The following PLK4 variants were observed in gnomAD, a reference collection of about 807,000 sequenced individuals.
The protein encoded by PLK4 is polo like kinase 4.
A neutral mutation model predicts 103.0 loss-of-function variants in PLK4; 51 were observed. The observed-to-expected ratio is 0.50, with a 90% CI of 0.40 to 0.63. PLK4 has a LOEUF of 0.63. Among genes scored for constraint, PLK4 ranks in the 20% least tolerant of loss-of-function variants. The pLI, the probability that PLK4 is intolerant of heterozygous loss-of-function variation, is 0.00. For synonymous variants in PLK4, 389 were observed against 376.8 expected, an observed-to-expected ratio of 1.03 and a Z score of -0.38; for missense variants, 1,054 against 1,151.0, an observed-to-expected ratio of 0.92 and a Z score of 1.22.
chr4:127,894,693 C>T (rs560309768), intron 13 of PLK4, among the ~76,000 whole-genome samples: 6 of 152,058 alleles, frequency 3.9e-5, no homozygotes, highest in African/African-American at 1.4e-4. Context: ...TGTGTACTCA[C>T]CCACATACAC....
At chr4:127,881,788 T>C in intron 1 of PLK4, 43 bp from the exon 2 acceptor site, 1 of 1,139,944 alleles carries the variant, frequency 8.8e-7, no homozygotes, top group Non-Finnish European at 1.3e-6. Context: ...TCTTCCTTTC[T>C]ACTGTGAGTC....
intron 6 of PLK4, 106 bp downstream of exon 6, chr4:127,887,602 G>A (rs948903330): frequency 1.4e-6 from 1 of 714,228 alleles, no homozygotes; most frequent in African/African-American, 1.8e-5. Flanking sequence ...TTCTTGCTTG[G>A]TGCAGTAGCT....
At position 127,881,165 on chromosome 4, in the gene PLK4, G is replaced by A. The variant is rs1373970458; in HGVS notation, c.30+1G>A. 6.2e-7 allele frequency: 1 copy of A among 1,614,036 alleles called. No homozygotes were observed. ...GACCTGCATCGGGGAGAAGATCGAG[G>A]TGAAAAGACTCGGCAGTCTGCAGCG... is the stretch of plus-strand genomic sequence containing the variant. On this transcript the variant is annotated splice_donor_variant, in intron 1 of 15. Transcript: ENST00000270861. LOFTEE classifies it high-confidence loss of function.
intron 6 of PLK4, among the ~76,000 whole-genome samples, chr4:127,888,048 C>T (rs1735203979): frequency 6.7e-6 from 1 of 150,104 alleles, no homozygotes; most frequent in African/African-American, 2.4e-5. Flanking sequence ...GGTTTGCTGG[C>T]ACACACCTGT....
At position 127,890,147 on chromosome 4, in the gene PLK4, G is replaced by T. The variant is rs1412691963; in HGVS notation, c.1741G>T (p.Gly581Cys). ...SKTRGMEPPW[G>C]YQNRTLRSIT... ...GACTAGGGGTATGGAGCCACCATGG[G>T]GTTATCAGAATCGTACATTAAGAAG... is the stretch of plus-strand genomic sequence containing the variant. The change falls in exon 7 of 16, where the codon GGT becomes TGT. Residue 581 changes from glycine to cysteine, a missense_variant. Physicochemically the swap from Gly to Cys is radical, Grantham distance 159. Around this residue, in one of 4 missense-constraint regions of PLK4, gnomAD observed 680 missense variants for 660.3 expected, o/e 1.03. Transcript: ENST00000270861. The T allele has an allele frequency of 1.2e-6, 2 of 1,613,810 alleles. No homozygotes were observed. Among genetic ancestry groups the T allele is most frequent in the African/African-American group, 2.7e-5 (2 of 75,014 alleles).
At position 127,894,976 on chromosome 4, in the gene PLK4, T is replaced by C. The variant is rs1735506878; in HGVS notation, c.2586T>C (p.Gly862=). 2 of 1,604,460 alleles carry C rather than the reference T, an allele frequency of 1.2e-6. No individual in the cohort carries two copies. The highest frequency in any genetic ancestry group is 1.7e-6 in the Non-Finnish European group (2 of 1,173,314). Residue 862 remains glycine, a synonymous_variant, in exon 14 of 16, where the codon GGT becomes GGC. Coordinates refer to ENST00000270861, the MANE Select transcript of PLK4 (RefSeq NM_014264.5). ...AGATGGTTACAAATGAAGGACTTGG[T>C]CTTACAACTACAGCTTCTGGAACAG... ...NPSMVTNEGL[G]LTTTASGTDI...
Position 127,892,404 on chromosome 4 carries a change from T to C in PLK4, c.2078T>C (p.Val693Ala). The C allele has an allele frequency of 1.3e-6, 2 of 1,582,096 alleles. No individual in the cohort carries two copies. Among genetic ancestry groups the C allele is most frequent in the Non-Finnish European group, 1.7e-6 (2 of 1,168,490 alleles). Residue 693 changes from valine (V) to alanine (A), a missense_variant, in exon 10 of 16, where the codon GTA becomes GCA. Physicochemically the swap from Val to Ala is moderately conservative, Grantham distance 64 (BLOSUM62 0). This residue lies in a region of PLK4 where 680 missense variants were observed against 660.3 expected (regional missense o/e 1.03). Transcript: ENST00000270861. ...WRKYQYASRF[V>A]QLVRSKSPKI... Reference sequence around the variant, plus strand: ...AAATATCAATATGCTTCCAGGTTTGTACAGCTTGTAAGATCTAAATCTCCC... The same window carrying C: ...AAATATCAATATGCTTCCAGGTTTGCACAGCTTGTAAGATCTAAATCTCCC...
chr4:127,896,489 CA>C (rs1219099340), intron 14 of PLK4, among the ~76,000 whole-genome samples: 5 of 151,926 alleles, frequency 3.3e-5, no homozygotes, highest in Admixed American at 6.6e-5. Context: ...AACCAACAAC[CA>C]AAAAACTTAG....
chr4:127,895,167 CA>C, intron 14 of PLK4, 74 bp downstream of exon 14: 1 of 950,144 alleles, frequency 1.1e-6, no homozygotes. Flanking sequence ...AGACAATTAC[CA>C]AAAAATACAA....
At chr4:127,887,186 T>C (rs1735168867) in intron 5 of PLK4, 1 of 466,082 alleles carries the variant, frequency 2.1e-6, no homozygotes, top group Non-Finnish European at 3.9e-6. Context: ...GCAGTAGCCA[T>C]ACAGAAATGC....
At chr4:127,883,703 C>T (rs1023376552) in intron 4 of PLK4, 150 bp downstream of exon 4, 3 of 479,868 alleles carry the variant, frequency 6.3e-6, no homozygotes, top group African/African-American at 5.9e-5. Context: ...TTCCTACATC[C>T]CAAGCTGCTA....
chr4:127,894,278 G>A (rs535580815), intron 13 of PLK4, among the ~76,000 whole-genome samples: 2 of 152,118 alleles, frequency 1.3e-5, no homozygotes, highest in African/African-American at 4.8e-5. Flanking sequence ...CCAGGCTGGA[G>A]TGCAGTGGCA....
At chr4:127,897,824 CTTTTTTTTTTTTTTTTTTTT>C (rs200741150) in intron 15 of PLK4, among the ~76,000 whole-genome samples, 3,845 of 29,210 alleles carry the variant, frequency 0.13, 523 homozygotes, top group East Asian at 0.52. Flanking sequence ...AGAATTAGGG[CTTTTTTTTTTTTTTTTTTTT>C]TTTTTTTTTT....
chr4:127,885,979 A>C lies in PLK4; in HGVS notation c.609A>C (p.Thr203=). Residue 203 remains threonine, a synonymous_variant, in exon 5 of 16, where the codon ACA becomes ACC. Transcript: ENST00000270861. The stretch of plus-strand genomic sequence containing the variant: ...GGTCCCTGGGCTGTATGTTTTATAC[A>C]TTACTTATCGGGAGACCACCCTTCG... ...DVWSLGCMFY[T]LLIGRPPFDT... 1 of 1,614,204 alleles carries C rather than the reference A, an allele frequency of 6.2e-7. No individual in the cohort carries two copies. Among genetic ancestry groups the C allele is most frequent in the Admixed American group, 1.7e-5 (1 of 60,028 alleles).
At chr4:127,881,413 T>C in intron 1 of PLK4, 1 of 1,407,802 alleles carries the variant, frequency 7.1e-7, no homozygotes, top group Non-Finnish European at 9.2e-7. Flanking sequence ...GCACTGCGGC[T>C]TTCTTTCAGC....
Position 127,891,597 on chromosome 4 carries a change from A to G in PLK4, c.1954A>G (p.Asn652Asp). ...TTGGCAGATCACTATTTATTATCCA[A>G]ATGGTGGTAGAGGTTTTCCTCTTGC... ...DGNTITIYYP[N>D]GGRGFPLADR... Residue 652 changes from asparagine to aspartate, a missense_variant, in exon 9 of 16, where the codon AAT (asparagine) becomes GAT (aspartate). Physicochemically the swap from Asn to Asp is conservative, Grantham distance 23. This residue lies in a region of PLK4 where 680 missense variants were observed against 660.3 expected (regional missense o/e 1.03). Coordinates refer to ENST00000270861, the MANE Select transcript of PLK4 (RefSeq NM_014264.5). The G allele has an allele frequency of 6.5e-7, 1 of 1,528,052 alleles. No homozygotes were observed. Among genetic ancestry groups the G allele is most frequent in the South Asian group, 1.3e-5 (1 of 78,456 alleles). The allele number at this position is 1,528,052 out of a possible 1,614,324, so 94.7% of individuals were successfully genotyped here.
chr4:127,898,674 A>C lies in PLK4; in HGVS notation c.*133A>C. ...GAAAGAATTTTAACCTATAATGTAAAGGATGTATTCTGAGAGAACAAAGCA... is the reference window on the plus strand; with the variant it reads ...GAAAGAATTTTAACCTATAATGTAACGGATGTATTCTGAGAGAACAAAGCA... On this transcript the variant is annotated 3_prime_UTR_variant, in exon 16 of 16. Coordinates refer to ENST00000270861, the MANE Select transcript of PLK4 (RefSeq NM_014264.5). 3.4e-6 allele frequency: 2 copies of C among 593,306 alleles called. No individual in the cohort carries two copies. Among genetic ancestry groups the C allele is most frequent in the Non-Finnish European group, 5.9e-6 (2 of 336,890 alleles). The allele number at this position is 593,306 out of a possible 1,614,324, so 36.8% of individuals were successfully genotyped here. A position where few individuals can be genotyped will look rare whatever the true frequency, so the allele number is the denominator to read the frequency against.
Position 127,886,082 on chromosome 4 carries a change from G to T in PLK4, c.712G>T (p.Ala238Ser), listed in dbSNP as rs1735113557. 6.2e-7 allele frequency: 1 copy of T among 1,614,030 alleles called. No individual in the cohort carries two copies. The highest frequency in any genetic ancestry group is 8.5e-7 in the Non-Finnish European group (1 of 1,179,944). ...AATGCCATCTTTTTTGTCAATAGAG[G>T]CCAAGGACCTTATTCACCAGTTACT... ...YEMPSFLSIEAKDLIHQLLRR... is the reference protein window; with the variant it reads ...YEMPSFLSIESKDLIHQLLRR... The change falls in exon 5 of 16, where the codon GCC (alanine) becomes TCC (serine). Residue 238 changes from alanine (A) to serine (S), a missense_variant. Transcript: ENST00000270861.
intron 6 of PLK4, among the ~76,000 whole-genome samples, chr4:127,888,211 A>AAAAAAAAAT: frequency 6.9e-6 from 1 of 144,580 alleles, no homozygotes; most frequent in South Asian, 2.2e-4. Context: ...AAAAAAAAAA[A>AAAAAAAAAT]AGCATTTTCA....
Sources: gnomAD v4.1 joint callset for allele counts (sites outside exome capture counted in the v4.1 genomes callset) on GRCh38, gnomAD v4.1.1 for gene constraint, gnomAD v4.1.1 regional missense constraint, MANE v1.5 for transcripts, NCBI Gene and HGNC (gene_info 2026-07-23, HGNC 2026-07-21) for gene names.